CSNK2A2IP: variants seen among roughly 807,000 people sequenced by gnomAD.
The protein encoded by CSNK2A2IP is casein kinase II subunit alpha'-interacting protein.
At chr3:88,415,664 A>G in the CSNK2A2IP span, among the ~76,000 whole-genome samples, 1 of 152,072 alleles carries the variant, frequency 6.6e-6, no homozygotes, top group Admixed American at 6.6e-5. Flanking sequence ...TTCAGTTTAC[A>G]TACATGATCT....
At chr3:88,452,556 T>C in the CSNK2A2IP span, among the ~76,000 whole-genome samples, 1 of 152,126 alleles carries the variant, frequency 6.6e-6, no homozygotes, top group Admixed American at 6.6e-5. Context: ...ACAGAGCTCA[T>C]GGATAGAGTT....
the CSNK2A2IP span, among the ~76,000 whole-genome samples, chr3:88,449,874 T>TAGAGAGAGAGAGAGAGAGAGAGAGAG: frequency 1.1e-3 from 77 of 70,072 alleles, 1 homozygote; most frequent in Admixed American, 2.2e-3. Flanking sequence ...TATATATATA[T>TAGAGAGAGAGAGAGAGAGAGAGAGAG]AGAGAGAGAG....
the CSNK2A2IP span, among the ~76,000 whole-genome samples, chr3:88,391,010 T>C: frequency 6.6e-6 from 1 of 152,230 alleles, no homozygotes. Flanking sequence ...GTGGTCACTT[T>C]CAGCTATTTT....
chr3:88,405,229 C>A, the CSNK2A2IP span, among the ~76,000 whole-genome samples: 12 of 152,170 alleles, frequency 7.9e-5, no homozygotes, highest in Non-Finnish European at 1.5e-4. Context: ...GTTCCCCCAA[C>A]TCTTTGAATA....
the CSNK2A2IP span, among the ~76,000 whole-genome samples, chr3:88,416,276 A>G: frequency 6.0e-5 from 9 of 150,686 alleles, no homozygotes; most frequent in African/African-American, 2.0e-4. Flanking sequence ...CCTATTAAAA[A>G]AAAAAAAAAA....
At chr3:88,447,335 G>A in the CSNK2A2IP span, among the ~76,000 whole-genome samples, 8 of 152,032 alleles carry the variant, frequency 5.3e-5, no homozygotes, top group Non-Finnish European at 8.8e-5. Flanking sequence ...TTGCAAGGGA[G>A]CTAAATGTCA....
the CSNK2A2IP span, among the ~76,000 whole-genome samples, chr3:88,389,293 G>T: frequency 6.6e-6 from 1 of 152,014 alleles, no homozygotes; most frequent in Non-Finnish European, 1.5e-5. Flanking sequence ...GGCTTGATGA[G>T]GTATTACAAT....
the CSNK2A2IP span, among the ~76,000 whole-genome samples, chr3:88,453,454 T>C: frequency 3.9e-5 from 6 of 152,142 alleles, no homozygotes; most frequent in Non-Finnish European, 8.8e-5. Flanking sequence ...AATCTGTACA[T>C]ACAACAAGAA....
chr3:88,364,525 A>G, the CSNK2A2IP span, among the ~76,000 whole-genome samples: 1 of 152,096 alleles, frequency 6.6e-6, no homozygotes, highest in East Asian at 1.9e-4. Context: ...AAGAATTATT[A>G]TTATCTTTTA....
At chr3:88,350,589 T>A in the CSNK2A2IP span, among the ~76,000 whole-genome samples, 2 of 66,630 alleles carry the variant, frequency 3.0e-5, no homozygotes, top group Non-Finnish European at 3.8e-5. Flanking sequence ...TACACTAAAT[T>A]CAAAGATGAT....
At chr3:88,343,142 CA>C in the CSNK2A2IP span, 1 of 152,070 alleles carries the variant, frequency 6.6e-6, no homozygotes, top group Non-Finnish European at 1.5e-5. Context: ...CCAACCCCTT[CA>C]TCTTGCAGAA....
the CSNK2A2IP span, among the ~76,000 whole-genome samples, chr3:88,361,065 T>C: frequency 1.3e-5 from 2 of 152,216 alleles, no homozygotes; most frequent in African/African-American, 4.8e-5. Flanking sequence ...TTCTATCTCT[T>C]AAAATATAAT....
chr3:88,422,157 A>G, the CSNK2A2IP span, among the ~76,000 whole-genome samples: 1 of 152,210 alleles, frequency 6.6e-6, no homozygotes. Context: ...GTAACTTTGT[A>G]ATGATGTGTA....
chr3:88,369,232 G>T, the CSNK2A2IP span, among the ~76,000 whole-genome samples: 1 of 151,948 alleles, frequency 6.6e-6, no homozygotes, highest in South Asian at 2.1e-4. Context: ...TTTAGGCAGA[G>T]GTTAGAGAAT....
chr3:88,465,299 G>A, the CSNK2A2IP span: 6 of 1,038,402 alleles, frequency 5.8e-6, no homozygotes, highest in East Asian at 1.3e-4. Flanking sequence ...AAGACTAACA[G>A]TTACTAAATC....
the CSNK2A2IP span, among the ~76,000 whole-genome samples, chr3:88,446,024 TGTTTC>T: frequency 2.0e-5 from 2 of 98,810 alleles, no homozygotes; most frequent in Non-Finnish European, 2.5e-5. Context: ...TTTCTTTCTT[TGTTTC>T]TTTTCTTTCT....
At chr3:88,369,773 G>A in the CSNK2A2IP span, among the ~76,000 whole-genome samples, 2 of 151,506 alleles carry the variant, frequency 1.3e-5, no homozygotes, top group Admixed American at 1.3e-4. Flanking sequence ...GCCACACACA[G>A]TTTGGGTGGC....
chr3:88,420,113 T>C, the CSNK2A2IP span, among the ~76,000 whole-genome samples: 18 of 152,152 alleles, frequency 1.2e-4, no homozygotes, highest in Non-Finnish European at 2.2e-4. Flanking sequence ...TCAATATCTC[T>C]CCAGGTGATT....
the CSNK2A2IP span, among the ~76,000 whole-genome samples, chr3:88,364,124 C>T: frequency 6.6e-6 from 1 of 152,070 alleles, no homozygotes. Context: ...CCTGAATTCT[C>T]CCTCATCATG....
Sources: gnomAD v4.1 joint callset for allele counts (sites outside exome capture counted in the v4.1 genomes callset) on GRCh38, gnomAD v4.1.1 for gene constraint, MANE v1.5 for transcripts, NCBI Gene and HGNC (gene_info 2026-07-23, HGNC 2026-07-21) for gene names.